The following ZSCAN5A variants were observed in gnomAD, a reference collection of about 807,000 sequenced individuals.
ZSCAN5A encodes zinc finger and SCAN domain-containing protein 5A.
ZSCAN5A carries 12 observed loss-of-function variants against 23.7 expected under a neutral mutation model. The ratio of observed to expected loss-of-function variants is 0.51; its 90% CI spans 0.32 to 0.82. The LOEUF (loss-of-function observed/expected upper bound fraction) is 0.82. Ranked by LOEUF, ZSCAN5A falls within the 40% of genes least tolerant of loss-of-function variation. The pLI is 0.03. For missense variants in ZSCAN5A, 597 were observed against 617.9 expected (o/e 0.97, Z 0.36); for synonymous variants, 257 against 239.9 (o/e 1.07, Z -0.66).
chr19:56,292,815 A>G (rs952138252), intron 2 of ZSCAN5A, among the ~76,000 whole-genome samples: 1 of 152,230 alleles, frequency 6.6e-6, no homozygotes, highest in African/African-American at 2.4e-5. Flanking sequence ...AGAATCGTAC[A>G]CGATGTGGTC....
chr19:56,222,824 G>A, intron 4 of ZSCAN5A, 83 bp from the exon 5 acceptor site: 1 of 1,584,218 alleles, frequency 6.3e-7, no homozygotes, highest in Non-Finnish European at 8.6e-7. Flanking sequence ...CTGATTGGAT[G>A]CAACAACTCT....
Position 56,356,421 on chromosome 19 carries a change from C to T in ZSCAN5A, c.-358+6814G>A, listed in dbSNP as rs1242908621. ...AATATATACGTATCAATCTTATGAC[C>T]TTGCAGCTGTGCTGGGGAGGTAAGC... On this transcript the variant is annotated intron_variant, in intron 2 of 6. Transcript: ENST00000587340. 1.3e-5 allele frequency among the ~76,000 whole-genome samples: 2 copies of T among 148,312 alleles called. 1 individual carries two copies. The highest frequency in any genetic ancestry group is 1.3e-4 in the Admixed American group (2 of 15,030).
At chr19:56,300,127 C>T (rs2040133816) in intron 2 of ZSCAN5A, among the ~76,000 whole-genome samples, 1 of 152,104 alleles carries the variant, frequency 6.6e-6, no homozygotes. Flanking sequence ...ATCCTCCAAA[C>T]CCAGAGCTCT....
chr19:56,247,200 G>C, intron 2 of ZSCAN5A: 64 of 495,818 alleles, frequency 1.3e-4, no homozygotes, highest in South Asian at 6.2e-4. Context: ...GCGTCCACCA[G>C]CGAATCCACA....
intron 2 of ZSCAN5A, among the ~76,000 whole-genome samples, chr19:56,258,579 G>A (rs928635954): frequency 6.6e-6 from 1 of 151,098 alleles, no homozygotes; most frequent in African/African-American, 2.4e-5. Context: ...TCCAGTGTAG[G>A]GGGTGACAGA....
At chr19:56,289,753 AC>A (rs2039389216) in intron 2 of ZSCAN5A, among the ~76,000 whole-genome samples, 1 of 152,172 alleles carries the variant, frequency 6.6e-6, no homozygotes, top group Admixed American at 6.5e-5. Context: ...AGCTGAGACT[AC>A]AGGTGCACAC....
chr19:56,288,828 T>C (rs2039318813), intron 2 of ZSCAN5A, among the ~76,000 whole-genome samples: 1 of 152,230 alleles, frequency 6.6e-6, no homozygotes, highest in Non-Finnish European at 1.5e-5. Flanking sequence ...CTCTCTCTAC[T>C]CTGCCCCTCC....
chr19:56,328,699 T>A (rs779373505), intron 2 of ZSCAN5A, among the ~76,000 whole-genome samples: 1 of 140,262 alleles, frequency 7.1e-6, no homozygotes, highest in Admixed American at 7.3e-5. Context: ...ATAAACCAAA[T>A]GTGGGTCAAA....
intron 2 of ZSCAN5A, among the ~76,000 whole-genome samples, chr19:56,230,713 C>T (rs1437931233): frequency 1.3e-5 from 2 of 151,702 alleles, no homozygotes. Flanking sequence ...TACAGATGCT[C>T]CTCGACTTAC....
upstream of ZSCAN5A, among the ~76,000 whole-genome samples, chr19:56,319,264 G>A (rs2041349154): frequency 6.6e-6 from 1 of 152,078 alleles, no homozygotes; most frequent in Non-Finnish European, 1.5e-5. Flanking sequence ...TTGGGAGGCT[G>A]AGGTGGGTGG....
chr19:56,365,560 G>C (rs1414308320), intron 1 of ZSCAN5A, among the ~76,000 whole-genome samples: 2 of 152,196 alleles, frequency 1.3e-5, no homozygotes, highest in South Asian at 2.1e-4. Flanking sequence ...GTCCAGCAAG[G>C]AGCTGGAAGT....
chr19:56,288,308 C>A (rs748245675), intron 2 of ZSCAN5A, among the ~76,000 whole-genome samples: 3 of 152,186 alleles, frequency 2.0e-5, no homozygotes, highest in Non-Finnish European at 4.4e-5. Flanking sequence ...ACGCCCACAT[C>A]GTTCCCTCTG....
intron 2 of ZSCAN5A, among the ~76,000 whole-genome samples, chr19:56,323,920 A>G (rs1340381271): frequency 1.2e-4 from 19 of 152,110 alleles, no homozygotes; most frequent in Admixed American, 1.2e-3. Flanking sequence ...ACAATGTCTA[A>G]TGATAAACCA....
chr19:56,316,340 A>T (rs1195103866), upstream of ZSCAN5A: 1 of 152,310 alleles, frequency 6.6e-6, no homozygotes, highest in Non-Finnish European at 1.5e-5. Context: ...CCCGGTCAGT[A>T]GTTCCGTCAT....
At chr19:56,313,612 T>C (rs969213312) in intron 1 of ZSCAN5A, among the ~76,000 whole-genome samples, 2 of 152,218 alleles carry the variant, frequency 1.3e-5, no homozygotes, top group South Asian at 2.1e-4. Context: ...TGGAACCCAG[T>C]AGTAACTAAT....
At chr19:56,281,869 C>T (rs534451494) in intron 2 of ZSCAN5A, among the ~76,000 whole-genome samples, 6 of 152,098 alleles carry the variant, frequency 3.9e-5, no homozygotes, top group African/African-American at 1.2e-4. Flanking sequence ...GCAGATTGCC[C>T]GGGGTGGGAA....
intron 2 of ZSCAN5A, chr19:56,298,024 G>A (rs2039989431): frequency 6.7e-6 from 1 of 150,352 alleles, no homozygotes; most frequent in Admixed American, 6.6e-5. Flanking sequence ...GCAGTGAGCC[G>A]TGATTGTGCC....
intron 2 of ZSCAN5A, among the ~76,000 whole-genome samples, chr19:56,292,345 G>A (rs1317348044): frequency 6.6e-6 from 1 of 152,110 alleles, no homozygotes; most frequent in Admixed American, 6.5e-5. Context: ...GCACAGTGGT[G>A]CAGACCTCCT....
chr19:56,366,410 G>A lies in ZSCAN5A; in HGVS notation c.-522+1799C>T, dbSNP rs369410179. On this transcript the variant is annotated intron_variant, in intron 1 of 6. Coordinates refer to the ZSCAN5A transcript ENST00000587340. ...TGCACTCCAGCCTGGGTGACACAGC[G>A]AGACTCTGTCTCAAAAAAAAAAAAA... is the stretch of plus-strand genomic sequence containing the variant. Among the ~76,000 whole-genome samples, 48 of 135,436 alleles carry A rather than the reference G, an allele frequency of 3.5e-4. 1 individual carries two copies. Among genetic ancestry groups the A allele is most frequent in the Middle Eastern group, 4.9e-3 (1 of 206 alleles). The allele number at this position is 135,436 out of a possible 152,430, so 88.9% of individuals were successfully genotyped here. A position where few individuals can be genotyped will look rare whatever the true frequency, so the allele number is the denominator to read the frequency against.
Sources: allele counts gnomAD v4.1 joint callset (sites outside exome capture counted in the v4.1 genomes callset), GRCh38; gene constraint gnomAD v4.1.1; transcripts MANE v1.5; gene names NCBI Gene and HGNC (gene_info 2026-07-23, HGNC 2026-07-21).